Variants in GNB1 observed in about 807,000 individuals in gnomAD.
The protein encoded by GNB1 is G protein subunit beta 1.
In GNB1, 2 loss-of-function variants were observed where a neutral mutation model predicts 42.9. The observed-to-expected ratio is 0.05, with a 90% CI of 0.02 to 0.15. The LOEUF is 0.15. Among genes scored for constraint, GNB1 ranks in the 10% least tolerant of loss-of-function variants. The probability of loss-of-function intolerance (pLI) is 1.00; values close to 1 mark genes in which losing one functional copy is unlikely to be tolerated. For synonymous variants in GNB1, 183 were observed against 174.7 expected (o/e 1.05, Z -0.38); for missense variants, 193 against 462.2 (o/e 0.42, Z 5.34).
chr1:1,853,420 A>G (rs1648095680), intron 1 of GNB1, among the ~76,000 whole-genome samples: 1 of 152,112 alleles, frequency 6.6e-6, no homozygotes, highest in Non-Finnish European at 1.5e-5. Flanking sequence ...GGGCACGAAC[A>G]CCCCAGACAA....
intron 1 of GNB1, among the ~76,000 whole-genome samples, chr1:1,883,832 G>A (rs1649991722): frequency 6.6e-6 from 1 of 152,152 alleles, no homozygotes. Context: ...CTCAGACAGT[G>A]CCAATCCTTT....
intron 1 of GNB1, among the ~76,000 whole-genome samples, chr1:1,870,606 T>A (rs6668902): frequency 0.017 from 2,617 of 152,358 alleles, 46 homozygotes; most frequent in Non-Finnish European, 0.024. Flanking sequence ...TTACGCATGT[T>A]AGCGTTGCTG....
intron 1 of GNB1, among the ~76,000 whole-genome samples, chr1:1,884,173 C>T (rs1261867407): frequency 6.6e-6 from 1 of 151,520 alleles, no homozygotes; most frequent in Non-Finnish European, 1.5e-5. Context: ...TTCTTGTTGC[C>T]CAGGCTGGAG....
intron 1 of GNB1, among the ~76,000 whole-genome samples, chr1:1,848,151 G>A (rs1376427529): frequency 2.0e-5 from 3 of 151,958 alleles, no homozygotes; most frequent in Non-Finnish European, 2.9e-5. Flanking sequence ...AGGCCAAAGC[G>A]GGCAGACCAC....
chr1:1,821,621 G>C (rs545710534), intron 3 of GNB1, among the ~76,000 whole-genome samples: 3 of 152,060 alleles, frequency 2.0e-5, no homozygotes, highest in Admixed American at 6.6e-5. Context: ...TCCCTGTCTC[G>C]TGCAAAGGAA....
rs569182133 is a variant in GNB1, at chr1:1,845,369, T to G, written c.-95-6131A>C. 2.8e-4 allele frequency among the ~76,000 whole-genome samples: 43 copies of G among 152,120 alleles called. No individual in the cohort carries two copies. The South Asian group carries it at 7.7e-3, about 27-fold the overall frequency. ...CGGGCGGATCACGAGGTCAGGAGAT[T>G]GAGACCATCCTAGCTAACTCAGTGA... On this transcript the variant is annotated intron_variant, in intron 1 of 11. Transcript: ENST00000378609.
chr1:1,802,521 C>T lies in GNB1; in HGVS notation c.430+1898G>A, dbSNP rs144676226. Reference sequence around the variant, plus strand: ...TGGTGGCTCAAGCCTGTAATTCCAGCACTTTGGGAGGCCGAGGCAGGCAGA... The same window carrying T: ...TGGTGGCTCAAGCCTGTAATTCCAGTACTTTGGGAGGCCGAGGCAGGCAGA... On this transcript the variant is annotated intron_variant, in intron 7 of 11. Coordinates refer to ENST00000378609, the MANE Select transcript of GNB1 (RefSeq NM_002074.5). 9.6e-3 allele frequency among the ~76,000 whole-genome samples: 1,463 copies of T among 152,174 alleles called. 31 individuals are homozygous for T. Among genetic ancestry groups the T allele is most frequent in the South Asian group, 0.06 (289 of 4,818 alleles).
At chr1:1,878,298 G>A (rs1649659189) in intron 1 of GNB1, among the ~76,000 whole-genome samples, 1 of 152,198 alleles carries the variant, frequency 6.6e-6, no homozygotes, top group Non-Finnish European at 1.5e-5. Context: ...GGGACTGGAA[G>A]GCTAAGGTTG....
intron 7 of GNB1, among the ~76,000 whole-genome samples, chr1:1,796,028 G>A (rs1045806216): frequency 1.3e-5 from 2 of 152,162 alleles, no homozygotes; most frequent in African/African-American, 2.4e-5. Context: ...AAAGACACAC[G>A]CATTTAATAG....
chr1:1,829,997 C>A (rs956744655), intron 2 of GNB1, among the ~76,000 whole-genome samples: 6 of 152,276 alleles, frequency 3.9e-5, no homozygotes, highest in Admixed American at 3.3e-4. Context: ...ACCTCGGCCT[C>A]CCAAAGTGCT....
At chr1:1,869,721 G>A (rs1456258897) in intron 1 of GNB1, among the ~76,000 whole-genome samples, 1 of 152,044 alleles carries the variant, frequency 6.6e-6, no homozygotes, top group Non-Finnish European at 1.5e-5. Context: ...CCGAAAGAAA[G>A]TCTCTGATTT....
intron 1 of GNB1, among the ~76,000 whole-genome samples, chr1:1,873,596 A>G (rs1178934479): frequency 6.6e-6 from 1 of 152,238 alleles, no homozygotes; most frequent in Admixed American, 6.5e-5. Flanking sequence ...ATGTAAGGCC[A>G]TGACAATATG....
At chr1:1,865,830 ACTC>A (rs1342336345) in intron 1 of GNB1, among the ~76,000 whole-genome samples, 1 of 152,138 alleles carries the variant, frequency 6.6e-6, no homozygotes. Flanking sequence ...ATGAAAAATA[ACTC>A]CTTTTTTCTG....
intron 1 of GNB1, among the ~76,000 whole-genome samples, chr1:1,840,620 A>C (rs1044316926): frequency 1.8e-4 from 28 of 152,270 alleles, no homozygotes; most frequent in Non-Finnish European, 1.2e-4. Context: ...CCTGTTTGGC[A>C]TGACAGTGGA....
chr1:1,817,764 G>A (rs957244856), intron 4 of GNB1, 73 bp downstream of exon 4: 17 of 1,051,930 alleles, frequency 1.6e-5, no homozygotes, highest in South Asian at 5.1e-5. Flanking sequence ...GAGCCCTCCC[G>A]AGGCTCCAGG....
intron 1 of GNB1, among the ~76,000 whole-genome samples, chr1:1,841,050 C>A (rs1388452283): frequency 6.6e-6 from 1 of 151,376 alleles, no homozygotes; most frequent in Non-Finnish European, 1.5e-5. Context: ...TGCCACCACT[C>A]CCAGCCAATT....
At chr1:1,879,929 G>C (rs571949375) in intron 1 of GNB1, among the ~76,000 whole-genome samples, 2 of 151,760 alleles carry the variant, frequency 1.3e-5, no homozygotes, top group Non-Finnish European at 2.9e-5. Context: ...GCTGTTTTTT[G>C]TTGTTGTTGT....
chr1:1,873,510 CATG>C (rs1277329978), intron 1 of GNB1, among the ~76,000 whole-genome samples: 1 of 152,248 alleles, frequency 6.6e-6, no homozygotes, highest in African/African-American at 2.4e-5. Flanking sequence ...CATACTCCCA[CATG>C]ATGATGAACA....
chr1:1,800,549 G>A (rs1324994299), intron 7 of GNB1, among the ~76,000 whole-genome samples: 3 of 152,046 alleles, frequency 2.0e-5, no homozygotes, highest in Non-Finnish European at 4.4e-5. Flanking sequence ...CCTGAGCCTC[G>A]GGGACAGCAC....
Sources: gnomAD v4.1 joint callset for allele counts (sites outside exome capture counted in the v4.1 genomes callset) on GRCh38, gnomAD v4.1.1 for gene constraint, MANE v1.5 for transcripts, NCBI Gene and HGNC (gene_info 2026-07-23, HGNC 2026-07-21) for gene names.